UROC1: variants seen among roughly 807,000 people sequenced by gnomAD.
The protein encoded by UROC1 is urocanate hydratase.
A neutral mutation model predicts 89.5 loss-of-function variants in UROC1; 79 were observed. That is an observed-to-expected ratio of 0.88 (90% confidence interval 0.74 to 1.06). UROC1 has a LOEUF of 1.06. Among genes scored for constraint, UROC1 ranks in the 50% least tolerant of loss-of-function variants. UROC1 has a pLI of 0.00. For synonymous variants in UROC1, 361 were observed against 354.8 expected (o/e 1.02, Z -0.20); for missense variants, 885 against 907.8 (o/e 0.97, Z 0.32).
At chr3:126,491,861 A>G (rs1935661249) in intron 16 of UROC1, among the ~76,000 whole-genome samples, 1 of 152,150 alleles carries the variant, frequency 6.6e-6, no homozygotes, top group Non-Finnish European at 1.5e-5. Flanking sequence ...CCTCACACAC[A>G]TGCTTTTTAG....
intron 9 of UROC1, chr3:126,501,804 GA>G (rs761367680): frequency 4.4e-6 from 7 of 1,599,464 alleles, no homozygotes; most frequent in East Asian, 2.2e-5. Flanking sequence ...TGCTTACCAG[GA>G]GTGGCCTGGA....
intron 1 of UROC1, among the ~76,000 whole-genome samples, chr3:126,511,270 T>C (rs1936190879): frequency 6.6e-6 from 1 of 152,200 alleles, no homozygotes; most frequent in South Asian, 2.1e-4. Flanking sequence ...TCGTGAGCCA[T>C]AGGAAGCAAT....
chr3:126,494,401 C>G (rs534561883), intron 15 of UROC1, among the ~76,000 whole-genome samples: 16 of 152,328 alleles, frequency 1.1e-4, no homozygotes, highest in Middle Eastern at 3.4e-3. Flanking sequence ...TCCACCCCAT[C>G]TCTGCACTGA....
Position 126,501,215 on chromosome 3 carries a change from C to G in UROC1, c.965+3G>C. 6.2e-7 allele frequency: 1 copy of G among 1,614,150 alleles called. No individual in the cohort carries two copies. ...TGGCCATCAACTCCCAACCCCCACT[C>G]ACCAAAGAGCCACCACGTTGCCATG... On this transcript the variant is annotated splice_donor_region_variant and intron_variant, in intron 10 of 19. Transcript: ENST00000290868.
At chr3:126,506,832 C>T (rs1335282602) in intron 6 of UROC1, among the ~76,000 whole-genome samples, 1 of 152,206 alleles carries the variant, frequency 6.6e-6, no homozygotes, top group Non-Finnish European at 1.5e-5. Context: ...AATCCCAACA[C>T]TTTGGAAGGC....
At chr3:126,496,395 C>T (rs549661601) in intron 14 of UROC1, among the ~76,000 whole-genome samples, 150 of 152,346 alleles carry the variant, frequency 9.8e-4, no homozygotes, top group Non-Finnish European at 1.9e-3. Context: ...CTGAGCAAGG[C>T]ACCAGGAACA....
intron 18 of UROC1, among the ~76,000 whole-genome samples, chr3:126,484,297 A>G (rs940974): frequency 0.57 from 87,182 of 151,954 alleles, 25,265 homozygotes; most frequent in Non-Finnish European, 0.62. Context: ...GCCTGGGATG[A>G]CCTTCCCCAT....
Position 126,510,123 on chromosome 3 carries a change from C to T in UROC1, c.258-445G>A, listed in dbSNP as rs78938393. On this transcript the variant is annotated intron_variant, in intron 2 of 19. Coordinates refer to ENST00000290868, the MANE Select transcript of UROC1 (RefSeq NM_144639.3). ...GGGATGACTCAAGGCAAGCCTGGGC[C>T]GCTGGCACCTTCAAGAACAATGAAC... is the stretch of plus-strand genomic sequence containing the variant. Among the ~76,000 whole-genome samples, 509 of 152,270 alleles carry T rather than the reference C, an allele frequency of 3.3e-3. 5 individuals are homozygous for T. The highest frequency in any genetic ancestry group is 0.011 in the African/African-American group (441 of 41,560).
rs73859511 is a variant in UROC1, at chr3:126,517,468, C to T, written c.126+126G>A. 9,753 of 1,448,032 alleles carry T rather than the reference C, an allele frequency of 6.7e-3. 426 individuals carry two copies. The African/African-American group carries it at 0.1, about 15-fold the overall frequency. The allele number at this position is 1,448,032 out of a possible 1,614,324, so 89.7% of individuals were successfully genotyped here. On this transcript the variant is annotated intron_variant, in intron 1 of 19. Coordinates refer to ENST00000290868, the MANE Select transcript of UROC1 (RefSeq NM_144639.3). ...GCATTGCACCCGCACAGGCTGGAGC[C>T]CCTGGAGTCCAGGGTGGGCGGCTGA...
intron 17 of UROC1, among the ~76,000 whole-genome samples, chr3:126,488,841 G>A (rs891618415): frequency 3.9e-5 from 6 of 152,220 alleles, no homozygotes; most frequent in South Asian, 2.1e-4. Context: ...GGTAGACAGC[G>A]GTAAAGGCGT....
At chr3:126,509,777 G>A (rs867850898) in intron 2 of UROC1, 99 bp from the exon 3 acceptor site, 36 of 1,110,838 alleles carry the variant, frequency 3.2e-5, no homozygotes, top group South Asian at 6.7e-5. Context: ...AAGGATAGCC[G>A]GACACGGGGC....
Position 126,482,342 on chromosome 3 carries a change from C to G in UROC1, c.*3G>C. On this transcript the variant is annotated 3_prime_UTR_variant, in exon 20 of 20. Transcript: ENST00000290868. ...GAGGCAGGGGCCGCGACTCCTGGCT[C>G]CCTCAGAGCTGCAGGGCCTGCTGGA... 6.2e-7 allele frequency: 1 copy of G among 1,612,124 alleles called. No individual in the cohort carries two copies. The highest frequency in any genetic ancestry group is 8.5e-7 in the Non-Finnish European group (1 of 1,179,262).
In UROC1 at chr3:126,498,071, T is replaced by C. The variant is rs1560120387; in HGVS notation, c.1418A>G (p.Glu473Gly). Residue 473 changes from glutamate to glycine, a missense_variant, in exon 14 of 20, where the codon GAG becomes GGG. Physicochemically the swap from Glu to Gly is moderately conservative, Grantham distance 98. Coordinates refer to ENST00000290868, the MANE Select transcript of UROC1 (RefSeq NM_144639.3). Reference sequence around the variant, plus strand: ...GTCACCTCCATCAGCAATGGCTTCCTCCAGCACAGATGTGGCCAGTTCGTC... The same window carrying C: ...GTCACCTCCATCAGCAATGGCTTCCCCCAGCACAGATGTGGCCAGTTCGTC... The part of the protein sequence containing the change: ...VTDELATSVL[E>G]EAIADGVKVS... 6.2e-7 allele frequency: 1 copy of C among 1,614,012 alleles called. No homozygotes were observed. The highest frequency in any genetic ancestry group is 1.3e-5 in the African/African-American group (1 of 74,946).
rs1328633293 is a variant in UROC1 at position 126,505,857 on chromosome 3, G to T, written c.670-13C>A. The T allele has an allele frequency of 3.7e-6, 6 of 1,613,412 alleles. No individual in the cohort carries two copies. In the Middle Eastern group the frequency reaches 9.9e-4, roughly 266 times the overall value. On this transcript the variant is annotated splice_polypyrimidine_tract_variant and intron_variant, in intron 7 of 19. Transcript: ENST00000290868. ...TCAACACGGTGAGCTGCAGGGAGAA[G>T]AGGTGGGGGCTCACTGCCCACTCCC...
intron 1 of UROC1, among the ~76,000 whole-genome samples, chr3:126,513,356 G>A (rs979359919): frequency 6.6e-6 from 1 of 152,236 alleles, no homozygotes; most frequent in Admixed American, 6.5e-5. Flanking sequence ...GCAGCCTTCA[G>A]CAGGGTCCCC....
chr3:126,495,038 C>A (rs910029779), intron 15 of UROC1, among the ~76,000 whole-genome samples: 1 of 152,144 alleles, frequency 6.6e-6, no homozygotes, highest in South Asian at 2.1e-4. Flanking sequence ...GCTGAGGATA[C>A]GGGAGGCTTC....
In UROC1 at chr3:126,482,116, C is replaced by T. The variant is rs1935402111; in HGVS notation, c.*229G>A. The T allele has an allele frequency of 1.6e-6, 1 of 623,852 alleles. No homozygotes were observed. Among genetic ancestry groups the T allele is most frequent in the East Asian group, 2.9e-5 (1 of 34,846 alleles). 38.6% of individuals were successfully genotyped at this position (623,852 alleles called of 1,614,324 possible). On this transcript the variant is annotated 3_prime_UTR_variant, in exon 20 of 20. Transcript: ENST00000290868. ...ATGGACTTTGACAGCCTTCAGGGCTCCCATGCAAGTGGCATGGTTGTGGAC... is the reference window on the plus strand; with the variant it reads ...ATGGACTTTGACAGCCTTCAGGGCTTCCATGCAAGTGGCATGGTTGTGGAC...
At chr3:126,508,143 C>T in intron 4 of UROC1, 48 bp from the exon 5 acceptor site, 1 of 1,612,220 alleles carries the variant, frequency 6.2e-7, no homozygotes, top group Non-Finnish European at 8.5e-7. Flanking sequence ...AAGCAGCACC[C>T]CACACCCAGC....
chr3:126,513,372 C>T (rs1364854577), intron 1 of UROC1, among the ~76,000 whole-genome samples: 9 of 152,262 alleles, frequency 5.9e-5, no homozygotes, highest in Non-Finnish European at 4.4e-5. Context: ...TCCCCACCAG[C>T]TCTAGGCCGA....
Sources: gnomAD v4.1 joint callset for allele counts (sites outside exome capture counted in the v4.1 genomes callset) on GRCh38, gnomAD v4.1.1 for gene constraint, MANE v1.5 for transcripts, NCBI Gene and HGNC (gene_info 2026-07-23, HGNC 2026-07-21) for gene names.